Variants in KIAA1586 observed in about 807,000 individuals in gnomAD.
The protein encoded by KIAA1586 is E3 SUMO-protein ligase KIAA1586.
In KIAA1586, 5 loss-of-function variants were observed where a neutral mutation model predicts 6.1. The ratio of observed to expected loss-of-function variants is 0.82; its 90% confidence interval spans 0.43 to 1.73. The LOEUF is 1.73. KIAA1586 is among the 40% of genes most tolerant of loss of function. The pLI is 0.02. For missense variants in KIAA1586, 899 were observed against 878.2 expected (o/e 1.02, Z -0.30); for synonymous variants, 280 against 301.7 (o/e 0.93, Z 0.75).
intron 2 of KIAA1586, among the ~76,000 whole-genome samples, chr6:57,049,578 A>G (rs1295697347): frequency 1.3e-5 from 2 of 152,178 alleles, no homozygotes; most frequent in East Asian, 3.9e-4. Context: ...GGATACAAAA[A>G]GAGTCCTTAT....
At position 57,046,795 on chromosome 6, in the gene KIAA1586, G is replaced by A. The variant is rs762157079; in HGVS notation, c.21+19G>A. The A allele has an allele frequency of 4.3e-6, 7 of 1,609,680 alleles. No homozygotes were observed. Among genetic ancestry groups the A allele is most frequent in the Non-Finnish European group, 5.9e-6 (7 of 1,178,782 alleles). On this transcript the variant is annotated intron_variant, in intron 1 of 3. Transcript: ENST00000370733. ...GTCGGAAGTGAGTAGTCGAGTGAGG[G>A]TCCTGGCGTTCTCAGAGGCGAACCG...
the KIAA1586 span, among the ~76,000 whole-genome samples, chr6:57,061,232 T>C: frequency 6.6e-6 from 1 of 152,062 alleles, no homozygotes; most frequent in Non-Finnish European, 1.5e-5. Context: ...CACCTCGGCC[T>C]CCCAAAGTGC....
chr6:57,065,761 C>A, the KIAA1586 span, among the ~76,000 whole-genome samples: 1 of 152,046 alleles, frequency 6.6e-6, no homozygotes. Context: ...GAACTGAATA[C>A]CTGTATTCTT....
At chr6:57,061,450 T>G in the KIAA1586 span, among the ~76,000 whole-genome samples, 2 of 152,128 alleles carry the variant, frequency 1.3e-5, no homozygotes, top group African/African-American at 4.8e-5. Flanking sequence ...GGGAGTGCAG[T>G]GGCACAGTCA....
At chr6:57,057,805 AATT>A (rs941605609), downstream of KIAA1586, among the ~76,000 whole-genome samples, 8 of 151,926 alleles carry the variant, frequency 5.3e-5, no homozygotes, top group African/African-American at 1.9e-4. Context: ...ATTAAATGTT[AATT>A]ATTATTATTT....
At chr6:57,049,854 T>A (rs957826775) in intron 2 of KIAA1586, among the ~76,000 whole-genome samples, 17 of 152,116 alleles carry the variant, frequency 1.1e-4, no homozygotes, top group African/African-American at 3.9e-4. Context: ...ATGAGGGTAG[T>A]GTATATGTAA....
rs1165552733 is a variant in KIAA1586 at position 57,054,898 on chromosome 6, T to C, written c.*35T>C. On this transcript the variant is annotated 3_prime_UTR_variant, in exon 4 of 4. Transcript: ENST00000370733. Reference sequence around the variant, plus strand: ...TACGTTTTTTGTCATCTGTAAATTATGTACTACACATCCTTTATATACATA... The same window carrying C: ...TACGTTTTTTGTCATCTGTAAATTACGTACTACACATCCTTTATATACATA... The C allele has an allele frequency of 1.1e-5, 17 of 1,500,174 alleles. No homozygotes were observed. The highest frequency in any genetic ancestry group is 2.3e-5 in the Admixed American group (1 of 42,856). The allele number at this position is 1,500,174 out of a possible 1,614,324, so 92.9% of individuals were successfully genotyped here.
rs371820802 is a variant in KIAA1586 at position 57,053,629 on chromosome 6, A to G, written c.1130A>G (p.Asn377Ser). The G allele has an allele frequency of 3.4e-5, 54 of 1,611,908 alleles. 1 individual carries two copies. Among genetic ancestry groups the G allele is most frequent in the Non-Finnish European group, 4.6e-5 (54 of 1,178,440 alleles). ...LTTLNDCGFT[N>S]EYLKANLIAF... ...ACTTTAAATGATTGTGGTTTTACAA[A>G]TGAATATTTGAAAGCAAATTTAATT... The change falls in exon 4 of 4, where the codon AAT becomes AGT. Residue 377 changes from asparagine (N) to serine (S), a missense_variant. Asn to Ser is a conservative substitution (Grantham distance 46). Coordinates refer to ENST00000370733, the MANE Select transcript of KIAA1586 (RefSeq NM_020931.4).
downstream of KIAA1586, among the ~76,000 whole-genome samples, chr6:57,059,478 C>T (rs1434615271): frequency 2.6e-5 from 4 of 151,546 alleles, no homozygotes; most frequent in African/African-American, 2.4e-5. Context: ...GTAGTCCCAG[C>T]TACTCGGGAG....
the KIAA1586 span, among the ~76,000 whole-genome samples, chr6:57,066,312 G>A: frequency 2.0e-5 from 3 of 151,898 alleles, no homozygotes; most frequent in Admixed American, 6.6e-5. Context: ...TCCAAGAGCT[G>A]TTTCTTGTTT....
chr6:57,054,124 C>T lies in KIAA1586; in HGVS notation c.1625C>T (p.Ala542Val). 1.2e-6 allele frequency: 2 copies of T among 1,603,078 alleles called. No homozygotes were observed. The highest frequency in any genetic ancestry group is 1.7e-6 in the Non-Finnish European group (2 of 1,175,636). The change falls in exon 4 of 4, where the codon GCA becomes GTA. Residue 542 changes from alanine to valine, a missense_variant. By Grantham distance (64) the Ala-to-Val change is moderately conservative. Transcript: ENST00000370733. ...GAAGAATTTTCAGTACTTTCAACTG[C>T]ATTACAGTCAAGATCAACTAATATT... ...ILEEFSVLST[A>V]LQSRSTNIKK... is the part of the protein sequence containing the mutation.
At chr6:57,050,687 A>G (rs1828296868) in intron 2 of KIAA1586, 87 bp from the exon 3 acceptor site, 4 of 909,152 alleles carry the variant, frequency 4.4e-6, no homozygotes, top group Non-Finnish European at 7.0e-6. Context: ...CCCAATTCCA[A>G]CTAAAAAAAT....
the KIAA1586 span, among the ~76,000 whole-genome samples, chr6:57,066,116 A>G: frequency 9.1e-6 from 1 of 109,778 alleles, no homozygotes; most frequent in Non-Finnish European, 1.9e-5. Context: ...GTCTCTACTG[A>G]AAAAAAAAAA....
At position 57,054,174 on chromosome 6, in the gene KIAA1586, C is replaced by A; in HGVS notation, c.1675C>A (p.Arg559Ser). Residue 559 changes from arginine to serine, a missense_variant, in exon 4 of 4, where the codon CGT becomes AGT. Arg to Ser is a moderately radical substitution (Grantham distance 110). Transcript: ENST00000370733. The part of the protein sequence containing the change: ...NIKKAQKLIK[R>S]TIRALENLKI... ...TAAGAAAGCACAAAAATTGATCAAA[C>A]GTACCATAAGAGCTTTGGAAAATTT... 3 of 1,587,796 alleles carry A rather than the reference C, an allele frequency of 1.9e-6. No homozygotes were observed. The highest frequency in any genetic ancestry group is 2.2e-5 in the East Asian group (1 of 44,674).
chr6:57,064,525 A>G, the KIAA1586 span, among the ~76,000 whole-genome samples: 1 of 152,192 alleles, frequency 6.6e-6, no homozygotes, highest in Non-Finnish European at 1.5e-5. Context: ...TTTTTCATGC[A>G]TTCATCCAGT....
the KIAA1586 span, among the ~76,000 whole-genome samples, chr6:57,065,354 G>A: frequency 6.6e-6 from 1 of 152,124 alleles, no homozygotes; most frequent in African/African-American, 2.4e-5. Flanking sequence ...TATATCCGGT[G>A]TTGCTAATCA....
At chr6:57,063,715 A>C in the KIAA1586 span, among the ~76,000 whole-genome samples, 1 of 151,998 alleles carries the variant, frequency 6.6e-6, no homozygotes, top group African/African-American at 2.4e-5. Flanking sequence ...CAGCCTCCCA[A>C]AGTGCTGGGA....
chr6:57,065,324 A>G, the KIAA1586 span, among the ~76,000 whole-genome samples: 1 of 152,056 alleles, frequency 6.6e-6, no homozygotes, highest in Admixed American at 6.6e-5. Context: ...CTACCTACCA[A>G]TGTGCTCATA....
At position 57,053,901 on chromosome 6, in the gene KIAA1586, GA is replaced by G. The variant is rs1828419706; in HGVS notation, c.1404del (p.Glu468AspfsTer12). ...CAAGCTTCTAGGAACTGTAGCTAAAGAACTTGAAACTGAAATTATTAAAATT... is the reference window on the plus strand; with the variant it reads ...CAAGCTTCTAGGAACTGTAGCTAAAGACTTGAAACTGAAATTATTAAAATT... ...QTKLLGTVAK[E>X]LETEIIKIGR... On this transcript the variant is annotated frameshift_variant, in exon 4 of 4. Transcript: ENST00000370733. LOFTEE classifies it low-confidence loss of function (END_TRUNC). The G allele has an allele frequency of 6.3e-7, 1 of 1,580,858 alleles. No individual in the cohort carries two copies. The highest frequency in any genetic ancestry group is 1.4e-5 in the African/African-American group (1 of 73,258).
Sources: allele counts gnomAD v4.1 joint callset (sites outside exome capture counted in the v4.1 genomes callset), GRCh38; gene constraint gnomAD v4.1.1; transcripts MANE v1.5; gene names NCBI Gene and HGNC (gene_info 2026-07-23, HGNC 2026-07-21).